The following TNFAIP8 variants were observed in gnomAD, a reference collection of about 807,000 sequenced individuals.
TNFAIP8 encodes tumor necrosis factor alpha-induced protein 8.
A neutral mutation model predicts 13.3 loss-of-function variants in TNFAIP8; 7 were observed. The ratio of observed to expected loss-of-function variants is 0.52; its 90% CI spans 0.30 to 0.99. The LOEUF is 0.99. Ranked by LOEUF, TNFAIP8 falls within the 50% of genes least tolerant of loss-of-function variation. The probability of loss-of-function intolerance (pLI) is 0.07; values close to 1 mark genes in which losing one functional copy is unlikely to be tolerated. For synonymous variants in TNFAIP8, 94 were observed against 87.6 expected, an observed-to-expected ratio of 1.07 and a Z score of -0.41; for missense variants, 258 against 236.9, an observed-to-expected ratio of 1.09 and a Z score of -0.58.
chr5:119,337,127 A>G (rs1202638020), intron 1 of TNFAIP8, among the ~76,000 whole-genome samples: 2 of 152,194 alleles, frequency 1.3e-5, no homozygotes, highest in African/African-American at 4.8e-5. Context: ...ACAAAGTGAC[A>G]TGAAATATTT....
Position 119,394,664 on chromosome 5 carries a change from T to C in TNFAIP8, c.*1283T>C, listed in dbSNP as rs994356060. 1 of 147,808 alleles carries C rather than the reference T, an allele frequency of 6.8e-6. No individual in the cohort carries two copies. The highest frequency in any genetic ancestry group is 6.9e-5 in the Admixed American group (1 of 14,482). 9.2% of individuals were successfully genotyped at this position (147,808 alleles called of 1,614,324 possible). A position where few individuals can be genotyped will look rare whatever the true frequency, so the allele number is the denominator to read the frequency against. On this transcript the variant is annotated 3_prime_UTR_variant, in exon 2 of 2. Coordinates refer to ENST00000504771, the MANE Select transcript of TNFAIP8 (RefSeq NM_014350.4). Reference sequence around the variant, plus strand: ...CTCTGTTGTTTAGGCTAGAATGCAGTGGCATGATTTTGGCTCACTGCAACC... The same window carrying C: ...CTCTGTTGTTTAGGCTAGAATGCAGCGGCATGATTTTGGCTCACTGCAACC...
At chr5:119,366,802 G>A (rs1751874152) in intron 1 of TNFAIP8, among the ~76,000 whole-genome samples, 1 of 152,310 alleles carries the variant, frequency 6.6e-6, no homozygotes, top group South Asian at 2.1e-4. Context: ...AAATTATTTG[G>A]CTTACTTGGC....
chr5:119,370,127 T>C (rs1449146936), intron 1 of TNFAIP8, among the ~76,000 whole-genome samples: 1 of 152,230 alleles, frequency 6.6e-6, no homozygotes. Flanking sequence ...GATTTTTGTT[T>C]ATTTTGCCAC....
chr5:119,323,374 CA>C (rs1299904083), intron 1 of TNFAIP8, among the ~76,000 whole-genome samples: 2 of 152,156 alleles, frequency 1.3e-5, no homozygotes, highest in Non-Finnish European at 2.9e-5. Flanking sequence ...CTCCCTCAAG[CA>C]CATTCCCACC....
In TNFAIP8 at chr5:119,393,401, G is replaced by A; in HGVS notation, c.*20G>A. Reference sequence around the variant, plus strand: ...ATATGAGCACATGAGTTAAGATTGTGACTGATCATGATTTATTTGAAGATG... The same window carrying A: ...ATATGAGCACATGAGTTAAGATTGTAACTGATCATGATTTATTTGAAGATG... On this transcript the variant is annotated 3_prime_UTR_variant, in exon 2 of 2. Coordinates refer to ENST00000504771, the MANE Select transcript of TNFAIP8 (RefSeq NM_014350.4). 1.3e-6 allele frequency: 2 copies of A among 1,588,160 alleles called. No homozygotes were observed. The highest frequency in any genetic ancestry group is 1.7e-6 in the Non-Finnish European group (2 of 1,163,400).
chr5:119,372,986 G>A (rs1752144860), intron 1 of TNFAIP8, among the ~76,000 whole-genome samples: 1 of 152,066 alleles, frequency 6.6e-6, no homozygotes, highest in Non-Finnish European at 1.5e-5. Context: ...AAATAATAAA[G>A]TTATGTTAGT....
chr5:119,355,147 T>C (rs1480272898), upstream of TNFAIP8: 1 of 615,556 alleles, frequency 1.6e-6, no homozygotes, highest in Non-Finnish European at 2.9e-6. Flanking sequence ...TTGAGATCTG[T>C]TGTGAAGGCT....
chr5:119,288,262 A>G (rs115712463), intron 1 of TNFAIP8, among the ~76,000 whole-genome samples: 2,765 of 152,190 alleles, frequency 0.018, 29 homozygotes, highest in Non-Finnish European at 0.025. Context: ...TTTTATGGAC[A>G]CTTGATATGT....
intron 1 of TNFAIP8, among the ~76,000 whole-genome samples, chr5:119,309,888 C>A (rs1749678152): frequency 1.3e-5 from 2 of 152,230 alleles, no homozygotes; most frequent in Non-Finnish European, 2.9e-5. Context: ...AAGCGTGAGG[C>A]TTTGGCTAGT....
chr5:119,337,474 AGT>A (rs1750592234), intron 1 of TNFAIP8, among the ~76,000 whole-genome samples: 2 of 152,236 alleles, frequency 1.3e-5, no homozygotes, highest in Admixed American at 1.3e-4. Context: ...TTTTTAGGAG[AGT>A]GGTGCTCCTC....
At chr5:119,359,198 CCTT>C (rs1259056041) in intron 1 of TNFAIP8, among the ~76,000 whole-genome samples, 3 of 152,306 alleles carry the variant, frequency 2.0e-5, no homozygotes, top group East Asian at 1.9e-4. Flanking sequence ...CTTCCTGGCT[CCTT>C]CTTTTCTGCA....
intron 1 of TNFAIP8, among the ~76,000 whole-genome samples, chr5:119,278,211 T>C (rs1748515504): frequency 6.6e-6 from 1 of 152,122 alleles, no homozygotes; most frequent in Admixed American, 6.6e-5. Flanking sequence ...CTAAACAGTG[T>C]CATCAGGGAC....
intron 1 of TNFAIP8, among the ~76,000 whole-genome samples, chr5:119,287,503 A>G (rs559293173): frequency 2.7e-4 from 41 of 152,182 alleles, no homozygotes; most frequent in Admixed American, 1.6e-3. Context: ...CAAGTAAACA[A>G]TACAGAATTA....
chr5:119,338,195 CACACACACACACACA>C (rs1562006771), intron 1 of TNFAIP8, among the ~76,000 whole-genome samples: 12 of 150,656 alleles, frequency 8.0e-5, no homozygotes, highest in African/African-American at 3.0e-4. Flanking sequence ...CACACACACA[CACACACACACACACA>C]CCTTCTCAGC....
At chr5:119,278,162 G>T (rs745699911) in intron 1 of TNFAIP8, among the ~76,000 whole-genome samples, 36 of 152,108 alleles carry the variant, frequency 2.4e-4, no homozygotes, top group African/African-American at 8.4e-4. Context: ...TATATGAAGG[G>T]CAGTCTGGGA....
At chr5:119,287,525 C>G (rs561789011) in intron 1 of TNFAIP8, among the ~76,000 whole-genome samples, 1 of 151,962 alleles carries the variant, frequency 6.6e-6, no homozygotes, top group African/African-American at 2.4e-5. Context: ...TAACTATAGT[C>G]GCCGTGCTGT....
At chr5:119,322,830 A>T (rs1750105634) in intron 1 of TNFAIP8, among the ~76,000 whole-genome samples, 1 of 152,162 alleles carries the variant, frequency 6.6e-6, no homozygotes, top group Non-Finnish European at 1.5e-5. Flanking sequence ...TCCCAAACTT[A>T]CATTCCAGGC....
chr5:119,313,328 G>C (rs761448500), intron 1 of TNFAIP8, among the ~76,000 whole-genome samples: 1 of 152,158 alleles, frequency 6.6e-6, no homozygotes, highest in Admixed American at 6.6e-5. Flanking sequence ...AAACCTTAAA[G>C]GTACTTGGAA....
chr5:119,279,174 A>C (rs1581563764), intron 1 of TNFAIP8, among the ~76,000 whole-genome samples: 1 of 152,212 alleles, frequency 6.6e-6, no homozygotes, highest in East Asian at 1.9e-4. Flanking sequence ...CAGATAAGGA[A>C]TTGAGGCTTA....
Sources: gnomAD v4.1 joint callset for allele counts (sites outside exome capture counted in the v4.1 genomes callset) on GRCh38, gnomAD v4.1.1 for gene constraint, MANE v1.5 for transcripts, NCBI Gene and HGNC (gene_info 2026-07-23, HGNC 2026-07-21) for gene names.